SPIB: variants seen among roughly 807,000 people sequenced by gnomAD.
SPIB encodes transcription factor Spi-B.
Under a neutral mutation model 31.9 loss-of-function variants are expected in SPIB, and 7 were observed. The observed-to-expected ratio is 0.22, with a 90% CI of 0.12 to 0.41. The LOEUF (loss-of-function observed/expected upper bound fraction) is 0.41. Ranked by LOEUF, SPIB falls within the 10% of genes least tolerant of loss-of-function variation. The pLI, the probability that SPIB is intolerant of heterozygous loss-of-function variation, is 1.00. For missense variants in SPIB, 327 were observed against 360.2 expected, an observed-to-expected ratio of 0.91 and a Z score of 0.75; for synonymous variants, 176 against 158.9, an observed-to-expected ratio of 1.11 and a Z score of -0.81.
At chr19:50,424,129 A>G (rs1037901169) in intron 5 of SPIB, among the ~76,000 whole-genome samples, 3 of 152,066 alleles carry the variant, frequency 2.0e-5, no homozygotes, top group African/African-American at 7.2e-5. Flanking sequence ...CAACGGTTCA[A>G]CCCTTGCCCC....
chr19:50,419,334 A>G lies in SPIB; in HGVS notation c.23+349A>G, dbSNP rs529239697. On this transcript the variant is annotated intron_variant, in intron 1 of 5. Transcript: ENST00000595883. Reference sequence around the variant, plus strand: ...TATCTGGCATCTCCCAGCTCTCAACATTCTGCCTGTTGCTCTCTGTCTCTC... The same window carrying G: ...TATCTGGCATCTCCCAGCTCTCAACGTTCTGCCTGTTGCTCTCTGTCTCTC... Among the ~76,000 whole-genome samples, 11 of 151,570 alleles carry G rather than the reference A, an allele frequency of 7.3e-5. No homozygotes were observed. In the East Asian group the frequency reaches 2.1e-3, roughly 30 times the overall value.
intron 2 of SPIB, 128 bp downstream of exon 2, chr19:50,420,101 G>T (rs2039475303): frequency 2.6e-6 from 2 of 762,536 alleles, no homozygotes; most frequent in South Asian, 5.7e-5. Context: ...GCTCCCCCTT[G>T]GTATCTCCTG....
intron 2 of SPIB, among the ~76,000 whole-genome samples, chr19:50,421,321 T>G (rs938197588): frequency 6.6e-6 from 1 of 151,920 alleles, no homozygotes; most frequent in South Asian, 2.1e-4. Context: ...ATATGGAGAT[T>G]TATTTATTTA....
At position 50,423,618 on chromosome 19, in the gene SPIB, C is replaced by A. The variant is rs768128987; in HGVS notation, c.353C>A (p.Pro118Gln). 1 of 1,613,700 alleles carries A rather than the reference C, an allele frequency of 6.2e-7. No homozygotes were observed. Residue 118 changes from proline (P) to glutamine (Q), a missense_variant, in exon 5 of 6, where the codon CCG (proline) becomes CAG (glutamine). This residue lies in a region of SPIB where 238 missense variants were observed against 228.8 expected (regional missense o/e 1.04). Coordinates refer to ENST00000595883, the MANE Select transcript of SPIB (RefSeq NM_003121.5). ...ENFASQTLVP[P>Q]AYAPYPSPVL... ...GACCTTCCGCAGACCCTGGTTCCCC[C>A]GGCATATGCCCCGTACCCCAGCCCT...
chr19:50,428,325 C>A lies in SPIB; in HGVS notation c.778C>A (p.Arg260Ser). The change falls in exon 6 of 6, where the codon CGC becomes AGC. Residue 260 changes from arginine (R) to serine (S), a missense_variant. By Grantham distance (110) the Arg-to-Ser change is moderately radical. Around this residue, in one of 4 missense-constraint regions of SPIB, gnomAD observed 25 missense variants for 23.2 expected, o/e 1.08. Transcript: ENST00000595883. This position sits in a 1 kb window ranked among gnomAD's most constrained non-coding sequence, Gnocchi z 6.5. ...QFDSALLPAVRRA is the reference protein window; with the variant it reads ...QFDSALLPAVSRA ...CGACAGCGCGCTGCTGCCTGCAGTC[C>A]GCCGGGCCTGAGCACACCCGAGGCT... The A allele has an allele frequency of 5.8e-6, 9 of 1,547,100 alleles. No homozygotes were observed. The highest frequency in any genetic ancestry group is 7.9e-6 in the Non-Finnish European group (9 of 1,144,912).
rs1375624845 is a variant in SPIB, at chr19:50,428,177, C to G, written c.630C>G (p.Arg210=). 1.3e-6 allele frequency: 2 copies of G among 1,590,316 alleles called. No homozygotes were observed. The highest frequency in any genetic ancestry group is 1.3e-5 in the African/African-American group (1 of 74,680). The change falls in exon 6 of 6, where the codon CGC becomes CGG. Residue 210 remains arginine, a synonymous_variant. Transcript: ENST00000595883. This position sits in a 1 kb window ranked among gnomAD's most constrained non-coding sequence, Gnocchi z 6.5. ...CCAAGCACAAGGAACTCCTGGCGCG[C>G]CGCTGGGGCCAGCAGAAGGGGAACC... ...FSSKHKELLA[R]RWGQQKGNRK...
At chr19:50,420,024 C>T in intron 2 of SPIB, 51 bp downstream of exon 2, 2 of 1,383,376 alleles carry the variant, frequency 1.4e-6, no homozygotes, top group East Asian at 2.8e-5. Context: ...AGTGACCTCC[C>T]TCAGAGAAGT....
chr19:50,425,042 T>C (rs2039548246), intron 5 of SPIB, among the ~76,000 whole-genome samples: 1 of 152,082 alleles, frequency 6.6e-6, no homozygotes, highest in Non-Finnish European at 1.5e-5. Context: ...AGTCTCGCTC[T>C]GTTACCCAGG....
chr19:50,427,432 G>C, intron 5 of SPIB, among the ~76,000 whole-genome samples: 1 of 152,246 alleles, frequency 6.6e-6, no homozygotes, highest in East Asian at 1.9e-4. Context: ...GGCTGAGGCA[G>C]CAGAATTGCT....
intron 5 of SPIB, among the ~76,000 whole-genome samples, chr19:50,424,195 C>A (rs1287653029): frequency 6.6e-6 from 1 of 152,204 alleles, no homozygotes; most frequent in Non-Finnish European, 1.5e-5. Flanking sequence ...GAGATCGTTC[C>A]TTCCTTTCTG....
At position 50,419,844 on chromosome 19, in the gene SPIB, G is replaced by A. The variant is rs547723382; in HGVS notation, c.24-102G>A. ...GGGCTGGTCCCTCACACAGGGCTGC[G>A]GTGGTCACAGCTGCTGCCGCCTCCC... is the stretch of plus-strand genomic sequence containing the variant. On this transcript the variant is annotated intron_variant, in intron 1 of 5. Transcript: ENST00000595883. 3.0e-4 allele frequency: 366 copies of A among 1,238,324 alleles called. 4 individuals carry two copies. The South Asian group carries it at 4.8e-3, about 16-fold the overall frequency. 76.7% of individuals were successfully genotyped at this position (1,238,324 alleles called of 1,614,324 possible).
chr19:50,419,722 T>C (rs1212193287), intron 1 of SPIB, among the ~76,000 whole-genome samples: 4 of 152,198 alleles, frequency 2.6e-5, no homozygotes, highest in Admixed American at 2.0e-4. Flanking sequence ...CCAGGGTGTC[T>C]ATGCAAATTC....
In SPIB at chr19:50,430,419, A is replaced by T. The variant is rs893462506; in HGVS notation, c.*2083A>T. On this transcript the variant is annotated 3_prime_UTR_variant, in exon 6 of 6. Coordinates refer to ENST00000595883, the MANE Select transcript of SPIB (RefSeq NM_003121.5). ...CCAACCTTAGTTTGTCCCTTCTGTGAAAAAGGGAGAGAAGGAGGAGGAAGA... is the reference window on the plus strand; with the variant it reads ...CCAACCTTAGTTTGTCCCTTCTGTGTAAAAGGGAGAGAAGGAGGAGGAAGA... 4 of 152,126 alleles carry T rather than the reference A, an allele frequency of 2.6e-5. No individual in the cohort carries two copies. Among genetic ancestry groups the T allele is most frequent in the Non-Finnish European group, 4.4e-5 (3 of 68,092 alleles). 9.4% of individuals were successfully genotyped at this position (152,126 alleles called of 1,614,324 possible).
chr19:50,422,576 C>T (rs760599428), intron 3 of SPIB, 31 bp downstream of exon 3: 1 of 1,606,946 alleles, frequency 6.2e-7, no homozygotes, highest in Non-Finnish European at 8.5e-7. Context: ...GCCCTTCCTG[C>T]CTTGGGGCCC....
At chr19:50,420,499 G>T (rs990980078) in intron 2 of SPIB, among the ~76,000 whole-genome samples, 3 of 152,130 alleles carry the variant, frequency 2.0e-5, no homozygotes, top group Non-Finnish European at 2.9e-5. Flanking sequence ...TCTATACACC[G>T]TGTAGCCACA....
chr19:50,420,010 C>A (rs755929568), intron 2 of SPIB, 37 bp downstream of exon 2: 1 of 1,429,738 alleles, frequency 7.0e-7, no homozygotes, highest in Non-Finnish European at 9.2e-7. Flanking sequence ...GAGGGGTGGC[C>A]CACAGTGACC....
intron 1 of SPIB, 108 bp downstream of exon 1, chr19:50,419,093 G>A: frequency 7.5e-7 from 1 of 1,341,740 alleles, no homozygotes; most frequent in Non-Finnish European, 1.0e-6. Flanking sequence ...CCGGTGGGTG[G>A]GAGTGGAGGG....
In SPIB at chr19:50,429,952, A is replaced by C. The variant is rs1393930466; in HGVS notation, c.*1616A>C. 6.8e-6 allele frequency: 1 copy of C among 147,944 alleles called. No homozygotes were observed. Among genetic ancestry groups the C allele is most frequent in the African/African-American group, 2.5e-5 (1 of 39,626 alleles). 9.2% of individuals were successfully genotyped at this position (147,944 alleles called of 1,614,324 possible). A position where few individuals can be genotyped will look rare whatever the true frequency, so the allele number is the denominator to read the frequency against. On this transcript the variant is annotated 3_prime_UTR_variant, in exon 6 of 6. Coordinates refer to ENST00000595883, the MANE Select transcript of SPIB (RefSeq NM_003121.5). ...GGGAGGCAGAGGTTGCAGTGAGCCT[A>C]GATTGTGCCACTGCACTCCAGCCTG...
intron 5 of SPIB, among the ~76,000 whole-genome samples, chr19:50,425,838 A>G (rs1022170363): frequency 3.3e-5 from 5 of 152,150 alleles, no homozygotes; most frequent in Admixed American, 1.3e-4. Flanking sequence ...AGGGAGGGAG[A>G]GAGAGAGGGA....
Sources: allele counts gnomAD v4.1 joint callset (sites outside exome capture counted in the v4.1 genomes callset), GRCh38; gene constraint gnomAD v4.1.1; regional missense constraint gnomAD v4.1.1; non-coding constraint Gnocchi (gnomAD v3.1); transcripts MANE v1.5; gene names NCBI Gene and HGNC (gene_info 2026-07-23, HGNC 2026-07-21).